The following NGEF variants were observed in gnomAD, a reference collection of about 807,000 sequenced individuals.
The protein encoded by NGEF is ephexin-1.
Under a neutral mutation model 80.9 loss-of-function variants are expected in NGEF, and 31 were observed. The observed-to-expected ratio is 0.38, with a 90% confidence interval of 0.29 to 0.52. The LOEUF (loss-of-function observed/expected upper bound fraction) is 0.52, where lower values mean the gene tolerates loss of function less well. NGEF is among the 20% of genes least tolerant of loss of function. NGEF has a pLI of 0.84. For synonymous variants in NGEF, 371 were observed against 370.2 expected (o/e 1.00, Z -0.03); for missense variants, 709 against 926.2 (o/e 0.77, Z 3.04).
chr2:232,897,483 C>T (rs888655906), intron 5 of NGEF, among the ~76,000 whole-genome samples: 2 of 152,116 alleles, frequency 1.3e-5, no homozygotes, highest in Admixed American at 6.5e-5. Flanking sequence ...TCCCAGGTAG[C>T]GCAGGGGTTT....
chr2:232,998,776 C>T (rs962759998), intron 1 of NGEF, among the ~76,000 whole-genome samples: 15 of 152,078 alleles, frequency 9.9e-5, no homozygotes, highest in Non-Finnish European at 1.5e-5. Flanking sequence ...TCTAACACCC[C>T]TAGGAAGGTG....
chr2:233,001,564 G>A (rs561487312), intron 1 of NGEF, among the ~76,000 whole-genome samples: 254 of 152,312 alleles, frequency 1.7e-3, no homozygotes, highest in African/African-American at 5.6e-3. Context: ...AACGGAAGGC[G>A]AGAGGGAGGC....
intron 3 of NGEF, among the ~76,000 whole-genome samples, chr2:232,968,177 C>T (rs1694105595): frequency 6.6e-6 from 1 of 150,860 alleles, no homozygotes; most frequent in Non-Finnish European, 1.5e-5. Context: ...CAATCTCTGC[C>T]TTCCGGGTTC....
intron 3 of NGEF, among the ~76,000 whole-genome samples, chr2:232,952,793 C>A (rs772283258): frequency 6.7e-6 from 1 of 150,186 alleles, no homozygotes. Context: ...TATGGTGAGA[C>A]CCCATCTCTA....
rs141170105 is a variant in NGEF at position 232,976,348 on chromosome 2, C to T, written c.-74-1384G>A. ...GCTGGGTTTCAGATGCCTCCTTTCC[C>T]ACCGCACCACTCCTCTTCCTCCACA... On this transcript the variant is annotated intron_variant, in intron 1 of 14. Transcript: ENST00000264051. Among the ~76,000 whole-genome samples the T allele has an allele frequency of 3.3e-5, 5 of 152,236 alleles. No individual in the cohort carries two copies. In the East Asian group the frequency reaches 7.7e-4, roughly 24 times the overall value.
At chr2:232,902,883 A>G (rs969873108) in intron 5 of NGEF, among the ~76,000 whole-genome samples, 1 of 152,178 alleles carries the variant, frequency 6.6e-6, no homozygotes, top group African/African-American at 2.4e-5. Context: ...AATCCCAGCT[A>G]CTTGGGAGGC....
At chr2:232,984,259 T>TTA (rs1224275416) in intron 1 of NGEF, among the ~76,000 whole-genome samples, 1 of 35,472 alleles carries the variant, frequency 2.8e-5, no homozygotes, top group African/African-American at 5.6e-5. Context: ...TAATTTTCAA[T>TTA]TTTTTTTTTT....
intron 1 of NGEF, among the ~76,000 whole-genome samples, chr2:232,992,815 C>T (rs1694676480): frequency 6.6e-6 from 1 of 151,358 alleles, no homozygotes; most frequent in South Asian, 2.1e-4. Flanking sequence ...GGCAAAACCC[C>T]CTCTCTACAA....
chr2:232,929,549 A>C (rs1693177068), intron 3 of NGEF, among the ~76,000 whole-genome samples: 1 of 152,178 alleles, frequency 6.6e-6, no homozygotes, highest in East Asian at 1.9e-4. Context: ...CAGAACGGGC[A>C]GGTCTGGTCT....
intron 3 of NGEF, among the ~76,000 whole-genome samples, chr2:232,939,438 C>T (rs1474232827): frequency 6.6e-6 from 1 of 152,034 alleles, no homozygotes; most frequent in East Asian, 1.9e-4. Flanking sequence ...TAACCATTAA[C>T]CAAATGGAGC....
At chr2:232,993,401 A>T (rs1424272284) in intron 1 of NGEF, among the ~76,000 whole-genome samples, 1 of 151,680 alleles carries the variant, frequency 6.6e-6, no homozygotes, top group Non-Finnish European at 1.5e-5. Flanking sequence ...TGGCTGTTAA[A>T]AGAAAGATGG....
At chr2:232,886,891 C>T (rs563076149) in intron 9 of NGEF, among the ~76,000 whole-genome samples, 1 of 152,340 alleles carries the variant, frequency 6.6e-6, no homozygotes, top group African/African-American at 2.4e-5. Flanking sequence ...TGCTGCCTGG[C>T]TCACAGGTCG....
chr2:232,995,122 T>C (rs765572716), intron 1 of NGEF, among the ~76,000 whole-genome samples: 2 of 6,856 alleles, frequency 2.9e-4, no homozygotes, highest in African/African-American at 5.5e-4. Flanking sequence ...ATGTGTACAG[T>C]ATGTATATAT....
At chr2:232,948,975 G>A (rs1425851299) in intron 3 of NGEF, among the ~76,000 whole-genome samples, 2 of 152,012 alleles carry the variant, frequency 1.3e-5, no homozygotes, top group African/African-American at 2.4e-5. Context: ...CCAAGATCAC[G>A]CCATTGCACT....
intron 4 of NGEF, among the ~76,000 whole-genome samples, 192 bp from the exon 5 acceptor site, chr2:232,920,777 C>T (rs2106276752): frequency 6.6e-6 from 1 of 152,264 alleles, no homozygotes; most frequent in Middle Eastern, 3.4e-3. Flanking sequence ...GTCCTCATTT[C>T]TTGGGAAAGA....
At chr2:232,919,723 G>A (rs1244755768) in intron 5 of NGEF, among the ~76,000 whole-genome samples, 1 of 152,116 alleles carries the variant, frequency 6.6e-6, no homozygotes, top group Non-Finnish European at 1.5e-5. Context: ...GATAGTCACC[G>A]AAGTCCACCT....
chr2:232,975,902 A>C (rs1574648458), intron 1 of NGEF, among the ~76,000 whole-genome samples: 1 of 152,260 alleles, frequency 6.6e-6, no homozygotes, highest in South Asian at 2.1e-4. Flanking sequence ...AGATTCCATC[A>C]TACCTTCAAA....
At chr2:233,011,352 T>G (rs1439000994) in intron 1 of NGEF, among the ~76,000 whole-genome samples, 4 of 151,978 alleles carry the variant, frequency 2.6e-5, no homozygotes, top group Non-Finnish European at 5.9e-5. Context: ...AATGGGCCCA[T>G]GTAGATGGGG....
chr2:232,947,823 A>G (rs1224680083), intron 3 of NGEF, among the ~76,000 whole-genome samples: 1 of 152,224 alleles, frequency 6.6e-6, no homozygotes, highest in African/African-American at 2.4e-5. Flanking sequence ...AGAGGCCTGT[A>G]TTTTTAAAGA....
Sources: gnomAD v4.1 joint callset for allele counts (sites outside exome capture counted in the v4.1 genomes callset) on GRCh38, gnomAD v4.1.1 for gene constraint, MANE v1.5 for transcripts, NCBI Gene and HGNC (gene_info 2026-07-23, HGNC 2026-07-21) for gene names.